The following FNDC3B variants were observed in gnomAD, a reference collection of about 807,000 sequenced individuals.
FNDC3B encodes fibronectin type III domain containing 3B, also known as fibronectin type III domain-containing protein 3B.
A neutral mutation model predicts 151.5 loss-of-function variants in FNDC3B; 12 were observed. The ratio of observed to expected loss-of-function variants is 0.08; its 90% CI spans 0.05 to 0.13. The LOEUF is 0.13. FNDC3B is among the 10% of genes least tolerant of loss of function. The probability of loss-of-function intolerance (pLI) is 1.00; values close to 1 mark genes in which losing one functional copy is unlikely to be tolerated. For missense variants in FNDC3B, 1,214 were observed against 1,505.3 expected (o/e 0.81, Z 3.20); for synonymous variants, 528 against 549.0 (o/e 0.96, Z 0.54).
chr3:172,095,007 A>C (rs1719029478), intron 1 of FNDC3B, among the ~76,000 whole-genome samples: 1 of 151,944 alleles, frequency 6.6e-6, no homozygotes, highest in Non-Finnish European at 1.5e-5. Context: ...AATGGAAAGG[A>C]AGAGTCAGAG....
intron 6 of FNDC3B, among the ~76,000 whole-genome samples, chr3:172,277,530 T>C (rs1470904684): frequency 1.3e-5 from 2 of 152,216 alleles, no homozygotes; most frequent in Admixed American, 6.5e-5. Flanking sequence ...GCCATCACTT[T>C]AGCGCGTAGG....
At chr3:172,291,150 G>GA (rs1030721182) in intron 7 of FNDC3B, among the ~76,000 whole-genome samples, 44 of 152,314 alleles carry the variant, frequency 2.9e-4, no homozygotes, top group African/African-American at 1.1e-3. Context: ...AAGGTGCAAG[G>GA]AGAAAGCAAG....
At position 172,344,168 on chromosome 3, in the gene FNDC3B, G is replaced by A. The variant is rs768016635; in HGVS notation, c.2160G>A (p.Val720=). The A allele has an allele frequency of 3.1e-6, 5 of 1,614,074 alleles. No individual in the cohort carries two copies. In the Admixed American group the frequency reaches 8.3e-5, roughly 27 times the overall value. ...MTEPEDVASE[V]YHGPELECTV... ...AGCCCGAAGACGTAGCCTCGGAAGT[G>A]TACCATGGCCCAGAGCTGGAGTGCA... The change falls in exon 19 of 26, where the codon GTG becomes GTA. Residue 720 remains valine, a synonymous_variant. Transcript: ENST00000415807.
Position 172,337,338 on chromosome 3 carries a change from A to G in FNDC3B, c.1789A>G (p.Lys597Glu), listed in dbSNP as rs1018209158. 2 of 1,607,308 alleles carry G rather than the reference A, an allele frequency of 1.2e-6. No homozygotes were observed. The highest frequency in any genetic ancestry group is 1.3e-5 in the African/African-American group (1 of 74,772). The change falls in exon 16 of 26, where the codon AAG becomes GAG. Residue 597 changes from lysine (K) to glutamate (E), a missense_variant. By Grantham distance (56) the Lys-to-Glu change is moderately conservative. Transcript: ENST00000415807. ...ATTTGGTTATTTTCCAGATCCCCCT[A>G]AGGACAATGGTGGTTCAGAAATCCT... ...HGFSVKWDPP[K>E]DNGGSEILKY...
At chr3:172,221,063 ATTG>A (rs1726253435) in intron 3 of FNDC3B, among the ~76,000 whole-genome samples, 1 of 152,304 alleles carries the variant, frequency 6.6e-6, no homozygotes, top group East Asian at 1.9e-4. Context: ...TATGATTGGA[ATTG>A]TTTTCTTAAT....
At chr3:172,222,221 T>C (rs1177977332) in intron 3 of FNDC3B, among the ~76,000 whole-genome samples, 1 of 152,198 alleles carries the variant, frequency 6.6e-6, no homozygotes, top group Non-Finnish European at 1.5e-5. Context: ...ATTCTATGAA[T>C]TCATTATCAG....
chr3:172,159,110 C>T (rs1406005384), intron 3 of FNDC3B, among the ~76,000 whole-genome samples: 5 of 152,164 alleles, frequency 3.3e-5, no homozygotes, highest in African/African-American at 1.2e-4. Flanking sequence ...GAAACCCCCT[C>T]TCTACTAAAA....
intron 3 of FNDC3B, among the ~76,000 whole-genome samples, chr3:172,165,298 C>A (rs1559996700): frequency 6.6e-6 from 1 of 152,174 alleles, no homozygotes; most frequent in Non-Finnish European, 1.5e-5. Flanking sequence ...GTGTGAGCCA[C>A]CACATCTAGC....
chr3:172,121,100 A>C (rs1720522589), intron 2 of FNDC3B, among the ~76,000 whole-genome samples: 1 of 152,156 alleles, frequency 6.6e-6, no homozygotes, highest in Non-Finnish European at 1.5e-5. Flanking sequence ...TACTCTGTCC[A>C]CTTCACTTAG....
intron 19 of FNDC3B, among the ~76,000 whole-genome samples, chr3:172,345,588 C>G (rs768250574): frequency 3.3e-5 from 5 of 152,046 alleles, no homozygotes; most frequent in Non-Finnish European, 5.9e-5. Context: ...TTGTTTCCCC[C>G]CTCCCCGCCG....
At chr3:172,055,627 G>A (rs558980112) in intron 1 of FNDC3B, among the ~76,000 whole-genome samples, 6 of 151,988 alleles carry the variant, frequency 3.9e-5, no homozygotes, top group African/African-American at 1.5e-4. Flanking sequence ...TGTGATTTTG[G>A]GTCTGAAGTG....
At chr3:172,235,831 G>A (rs573653680) in intron 4 of FNDC3B, among the ~76,000 whole-genome samples, 1 of 152,326 alleles carries the variant, frequency 6.6e-6, no homozygotes, top group Admixed American at 6.5e-5. Context: ...GTTGGGTTAA[G>A]TCTGGAAGAC....
rs759787128 is a variant in FNDC3B, at chr3:172,328,984, C to G, written c.1287C>G (p.Phe429Leu). The change falls in exon 12 of 26, where the codon TTC (phenylalanine) becomes TTG (leucine). Residue 429 changes from phenylalanine to leucine, a missense_variant. Transcript: ENST00000415807. ...GKRNSGFRQC[F>L]FGSQKHCKLT... The stretch of plus-strand genomic sequence containing the variant: ...GAAATAGTGGTTTCAGACAGTGCTT[C>G]TTCGGGAGCCAGAAGCACTGCAAGT... 1.2e-6 allele frequency: 2 copies of G among 1,612,478 alleles called. No homozygotes were observed. Among genetic ancestry groups the G allele is most frequent in the Non-Finnish European group, 8.5e-7 (1 of 1,179,298 alleles).
intron 1 of FNDC3B, among the ~76,000 whole-genome samples, chr3:172,103,610 G>T (rs1719480801): frequency 6.6e-6 from 1 of 152,074 alleles, no homozygotes; most frequent in Non-Finnish European, 1.5e-5. Context: ...CACAGTGGAT[G>T]GTTCCTTTGG....
chr3:172,350,946 A>C (rs1237853724), intron 21 of FNDC3B, among the ~76,000 whole-genome samples: 1 of 152,240 alleles, frequency 6.6e-6, no homozygotes, highest in Non-Finnish European at 1.5e-5. Flanking sequence ...TTTAGAGTAC[A>C]TTCACTTTTG....
At chr3:172,361,335 A>G (rs913490703) in intron 22 of FNDC3B, among the ~76,000 whole-genome samples, 1 of 152,154 alleles carries the variant, frequency 6.6e-6, no homozygotes. Flanking sequence ...TATAAGTTCT[A>G]ACTTTAAGTC....
chr3:172,242,354 C>T (rs1359183412), intron 4 of FNDC3B, among the ~76,000 whole-genome samples: 1 of 152,068 alleles, frequency 6.6e-6, no homozygotes, highest in Non-Finnish European at 1.5e-5. Context: ...CCCACATTTC[C>T]CTTCTGCCCT....
At chr3:172,179,814 C>T (rs1320117665) in intron 3 of FNDC3B, among the ~76,000 whole-genome samples, 1 of 132,090 alleles carries the variant, frequency 7.6e-6, no homozygotes, top group Non-Finnish European at 1.5e-5. Flanking sequence ...GCCCAGATGA[C>T]ATCACTGCAC....
intron 23 of FNDC3B, among the ~76,000 whole-genome samples, chr3:172,365,692 G>C (rs565225638): frequency 5.9e-4 from 90 of 152,196 alleles, no homozygotes; most frequent in African/African-American, 2.1e-3. Context: ...CAGCCTTAAA[G>C]TGTTACCATG....
Sources: gnomAD v4.1 joint callset for allele counts (sites outside exome capture counted in the v4.1 genomes callset) on GRCh38, gnomAD v4.1.1 for gene constraint, MANE v1.5 for transcripts, NCBI Gene and HGNC (gene_info 2026-07-23, HGNC 2026-07-21) for gene names.